LRFN2: variants seen among roughly 807,000 people sequenced by gnomAD.
LRFN2 encodes the protein leucine rich repeat and fibronectin type III domain containing 2, also known as leucine-rich repeat and fibronectin type-III domain-containing protein 2.
A neutral mutation model predicts 37.3 loss-of-function variants in LRFN2; 18 were observed. The observed-to-expected ratio is 0.48, with a 90% confidence interval of 0.33 to 0.72. The LOEUF is 0.72. LRFN2 is among the 30% of genes least tolerant of loss of function. The pLI is 0.02. For synonymous variants in LRFN2, 556 were observed against 466.6 expected, an observed-to-expected ratio of 1.19 and a Z score of -2.47; for missense variants, 1,006 against 1,060.7, an observed-to-expected ratio of 0.95 and a Z score of 0.72.
At chr6:40,453,282 G>A (rs1346341293) in intron 1 of LRFN2, among the ~76,000 whole-genome samples, 2 of 152,116 alleles carry the variant, frequency 1.3e-5, no homozygotes, top group African/African-American at 4.8e-5. Flanking sequence ...AGGGTTGAGG[G>A]CAAAGGAGAA....
In LRFN2 at chr6:40,420,114, G is replaced by A. The variant is rs572007950; in HGVS notation, c.1400+11600C>T. Among the ~76,000 whole-genome samples, 99 of 152,270 alleles carry A rather than the reference G, an allele frequency of 6.5e-4. 1 individual carries two copies. The Middle Eastern group carries it at 0.01, about 16-fold the overall frequency. ...CAGCCCCACAGCCGCAGAGCACAGC[G>A]GAGCCCACCTTTGGAGCCCACCCCT... On this transcript the variant is annotated intron_variant, in intron 2 of 2. Coordinates refer to ENST00000338305, the MANE Select transcript of LRFN2 (RefSeq NM_020737.3).
rs148490543 is a variant in LRFN2 at position 40,465,095 on chromosome 6, A to C, written c.-18-31964T>G. Among the ~76,000 whole-genome samples the C allele has an allele frequency of 8.8e-4, 134 of 152,262 alleles. 1 individual carries two copies. Among genetic ancestry groups the C allele is most frequent in the African/African-American group, 3.1e-3 (130 of 41,566 alleles). ...AATATGAAAGAGGGAAGGAGGTGAC[A>C]AGGTCAGAGTGATGCAATGTGAGAA... is the stretch of plus-strand genomic sequence containing the variant. On this transcript the variant is annotated intron_variant, in intron 1 of 2. Transcript: ENST00000338305.
intron 1 of LRFN2, among the ~76,000 whole-genome samples, chr6:40,456,863 C>G (rs926003554): frequency 1.3e-5 from 2 of 152,120 alleles, no homozygotes; most frequent in African/African-American, 4.8e-5. Flanking sequence ...TCAGAGGCAG[C>G]CCAACTCCCA....
Position 40,432,322 on chromosome 6 carries a change from G to A in LRFN2, c.792C>T (p.Thr264=). The change falls in exon 2 of 3, where the codon ACC becomes ACT. Residue 264 remains threonine, a synonymous_variant. Coordinates refer to ENST00000338305, the MANE Select transcript of LRFN2 (RefSeq NM_020737.3). ...RRLERDDDLE[T]CGSPGGLKGR... Reference sequence around the variant, plus strand: ...CCTTGAGGCCCCCTGGGGAGCCACAGGTTTCCAGGTCATCGTCCCGCTCGA... The same window carrying A: ...CCTTGAGGCCCCCTGGGGAGCCACAAGTTTCCAGGTCATCGTCCCGCTCGA... 1.2e-6 allele frequency: 2 copies of A among 1,614,156 alleles called. No individual in the cohort carries two copies. Among genetic ancestry groups the A allele is most frequent in the Non-Finnish European group, 8.5e-7 (1 of 1,180,042 alleles).
chr6:40,577,462 G>GA (rs1767308603), intron 1 of LRFN2, among the ~76,000 whole-genome samples: 1 of 152,036 alleles, frequency 6.6e-6, no homozygotes, highest in African/African-American at 2.4e-5. Flanking sequence ...AAAGATCCAG[G>GA]AGGGTACATG....
intron 1 of LRFN2, among the ~76,000 whole-genome samples, chr6:40,574,920 A>T (rs575732112): frequency 5.9e-5 from 9 of 152,240 alleles, no homozygotes; most frequent in African/African-American, 2.2e-4. Flanking sequence ...AGCACAGGGG[A>T]TCCCTGCTTC....
At chr6:40,552,405 C>T (rs772493853) in intron 1 of LRFN2, among the ~76,000 whole-genome samples, 1 of 152,222 alleles carries the variant, frequency 6.6e-6, no homozygotes, top group Non-Finnish European at 1.5e-5. Context: ...AGTGCTTCTG[C>T]CCCGTGAACC....
chr6:40,418,333 G>A (rs553791676), intron 2 of LRFN2, among the ~76,000 whole-genome samples: 14 of 152,112 alleles, frequency 9.2e-5, no homozygotes, highest in African/African-American at 2.2e-4. Flanking sequence ...TCTCGGTCTC[G>A]TTACACTGCT....
intron 2 of LRFN2, among the ~76,000 whole-genome samples, chr6:40,415,028 T>C (rs1196584362): frequency 6.6e-6 from 1 of 152,122 alleles, no homozygotes; most frequent in East Asian, 1.9e-4. Flanking sequence ...ACACATTCAG[T>C]GTACTGCCCA....
At chr6:40,415,582 C>T (rs951619311) in intron 2 of LRFN2, among the ~76,000 whole-genome samples, 3 of 152,178 alleles carry the variant, frequency 2.0e-5, no homozygotes, top group African/African-American at 7.2e-5. Flanking sequence ...CTGGCTTCCC[C>T]AGGCTAGGTC....
intron 1 of LRFN2, among the ~76,000 whole-genome samples, chr6:40,578,197 T>C (rs1767330403): frequency 6.6e-6 from 1 of 152,210 alleles, no homozygotes; most frequent in Non-Finnish European, 1.5e-5. Context: ...CTTCTCCCCA[T>C]GCCATTTCAT....
At chr6:40,469,653 T>C (rs1003678330) in intron 1 of LRFN2, among the ~76,000 whole-genome samples, 1 of 152,156 alleles carries the variant, frequency 6.6e-6, no homozygotes, top group East Asian at 1.9e-4. Flanking sequence ...GATTGGAGGA[T>C]GGACAGAGAA....
chr6:40,392,212 G>T lies in LRFN2; in HGVS notation c.2101C>A (p.Pro701Thr). The T allele has an allele frequency of 6.4e-7, 1 of 1,569,320 alleles. No individual in the cohort carries two copies. Among genetic ancestry groups the T allele is most frequent in the Non-Finnish European group, 8.6e-7 (1 of 1,158,864 alleles). Reference protein sequence around the residue: ...HHSDREPLLGPPAARARSLLP... With the variant: ...HHSDREPLLGTPAARARSLLP... Reference sequence around the variant, plus strand: ...AGGCTCCTGGCCCGGGCCGCAGGGGGCCCCAGCAGTGGCTCTCGGTCCGAG... The same window carrying T: ...AGGCTCCTGGCCCGGGCCGCAGGGGTCCCCAGCAGTGGCTCTCGGTCCGAG... Residue 701 changes from proline (P) to threonine (T), a missense_variant, in exon 3 of 3, where the codon CCC becomes ACC. Coordinates refer to ENST00000338305, the MANE Select transcript of LRFN2 (RefSeq NM_020737.3). The surrounding 1 kb of genome is among the most constrained non-coding windows in gnomAD (Gnocchi z 4.7).
chr6:40,557,568 G>A (rs998652883), intron 1 of LRFN2, among the ~76,000 whole-genome samples: 2 of 152,162 alleles, frequency 1.3e-5, no homozygotes, highest in East Asian at 3.9e-4. Context: ...AAGGCCAGTA[G>A]GATACCTACA....
At chr6:40,435,699 C>A (rs533073272) in intron 1 of LRFN2, among the ~76,000 whole-genome samples, 1 of 152,036 alleles carries the variant, frequency 6.6e-6, no homozygotes, top group Admixed American at 6.6e-5. Context: ...CCACCACACC[C>A]GGCTAATTTT....
Position 40,392,747 on chromosome 6 carries a change from G to A in LRFN2, c.1566C>T (p.Cys522=), listed in dbSNP as rs151002876. The change falls in exon 3 of 3, where the codon TGC becomes TGT. Residue 522 remains cysteine, a synonymous_variant. Transcript: ENST00000338305. This position sits in a 1 kb window ranked among gnomAD's most constrained non-coding sequence, Gnocchi z 4.7. ...CCAGAATCTGGCTGTGCATGGACTG[G>A]CACTGCGGGTAGTCAGCCTTGGTGA... The part of the protein sequence containing the change: ...QFFTKADYPQ[C]QSMHSQILGG... 83 of 1,614,002 alleles carry A rather than the reference G, an allele frequency of 5.1e-5. No individual in the cohort carries two copies. The highest frequency in any genetic ancestry group is 6.9e-5 in the Non-Finnish European group (81 of 1,180,012).
chr6:40,500,546 T>C (rs1196349260), intron 1 of LRFN2, among the ~76,000 whole-genome samples: 1 of 152,194 alleles, frequency 6.6e-6, no homozygotes, highest in Non-Finnish European at 1.5e-5. Context: ...AGAAGCAGTG[T>C]ACAAGGAAAT....
At chr6:40,420,614 A>C (rs1202639766) in intron 2 of LRFN2, among the ~76,000 whole-genome samples, 2 of 152,210 alleles carry the variant, frequency 1.3e-5, no homozygotes, top group Non-Finnish European at 2.9e-5. Flanking sequence ...CCCAACATCC[A>C]TTCCCCACTT....
chr6:40,498,500 T>C (rs1394250983), intron 1 of LRFN2, among the ~76,000 whole-genome samples: 1 of 152,164 alleles, frequency 6.6e-6, no homozygotes, highest in African/African-American at 2.4e-5. Context: ...TCACATACTT[T>C]TTTCCCCATA....
Sources: allele counts gnomAD v4.1 joint callset (sites outside exome capture counted in the v4.1 genomes callset), GRCh38; gene constraint gnomAD v4.1.1; non-coding constraint Gnocchi (gnomAD v3.1); transcripts MANE v1.5; gene names NCBI Gene and HGNC (gene_info 2026-07-23, HGNC 2026-07-21).